Variants in ORC5 observed in about 807,000 individuals in gnomAD.
ORC5 encodes the protein origin recognition complex subunit 5.
In ORC5, 39 loss-of-function variants were observed where a neutral mutation model predicts 58.8. The observed-to-expected ratio is 0.66, with a 90% confidence interval of 0.51 to 0.87. The LOEUF (loss-of-function observed/expected upper bound fraction) is 0.87, where lower values mean the gene tolerates loss of function less well. Ranked by LOEUF, ORC5 falls within the 40% of genes least tolerant of loss-of-function variation. The pLI is 0.00. For missense variants in ORC5, 493 were observed against 506.3 expected, an observed-to-expected ratio of 0.97 and a Z score of 0.25; for synonymous variants, 218 against 177.6, an observed-to-expected ratio of 1.23 and a Z score of -1.81.
intron 12 of ORC5, among the ~76,000 whole-genome samples, chr7:104,141,703 T>TA (rs985425959): frequency 1.3e-5 from 2 of 152,110 alleles, no homozygotes; most frequent in African/African-American, 4.8e-5. Flanking sequence ...AAACGAAATT[T>TA]AAAAAAATCT....
chr7:104,177,599 C>A (rs1488272614), intron 8 of ORC5, among the ~76,000 whole-genome samples: 5 of 152,212 alleles, frequency 3.3e-5, no homozygotes, highest in African/African-American at 1.2e-4. Flanking sequence ...CTAGCATACA[C>A]GTGCAGAACG....
chr7:104,168,103 C>T (rs762788837), intron 9 of ORC5: 1 of 256,382 alleles, frequency 3.9e-6, no homozygotes, highest in Non-Finnish European at 6.4e-6. Context: ...AGTGCATATC[C>T]CAAACCGATT....
chr7:104,134,688 T>A (rs1798562567), intron 13 of ORC5, among the ~76,000 whole-genome samples: 1 of 152,018 alleles, frequency 6.6e-6, no homozygotes, highest in Non-Finnish European at 1.5e-5. Context: ...AATACATAGC[T>A]ACAACTAGAG....
At chr7:104,207,275 C>A (rs1004662386) in intron 1 of ORC5, among the ~76,000 whole-genome samples, 1 of 152,142 alleles carries the variant, frequency 6.6e-6, no homozygotes, top group African/African-American at 2.4e-5. Flanking sequence ...CCAGACAAGA[C>A]AAACTCCTCT....
intron 12 of ORC5, among the ~76,000 whole-genome samples, chr7:104,156,253 TA>T (rs1213770354): frequency 1.3e-5 from 2 of 150,872 alleles, no homozygotes; most frequent in African/African-American, 2.4e-5. Flanking sequence ...AATAATAATC[TA>T]AAAAAAAATT....
At chr7:104,156,519 ATAGAT>A (rs1396274169) in intron 12 of ORC5, among the ~76,000 whole-genome samples, 1 of 151,728 alleles carries the variant, frequency 6.6e-6, no homozygotes, top group East Asian at 1.9e-4. Context: ...TCATTATAGA[ATAGAT>A]TAGATTTGAA....
chr7:104,168,262 G>C, intron 9 of ORC5: 1 of 1,127,870 alleles, frequency 8.9e-7, no homozygotes, highest in East Asian at 3.1e-5. Context: ...TTAGAAAATA[G>C]AAAGCTGGTA....
At chr7:104,189,670 G>A (rs1451025446) in intron 5 of ORC5, among the ~76,000 whole-genome samples, 1 of 152,134 alleles carries the variant, frequency 6.6e-6, no homozygotes, top group Non-Finnish European at 1.5e-5. Flanking sequence ...TCCACATGCT[G>A]AGAGGGTAGC....
Position 104,208,000 on chromosome 7 carries a change from CG to C in ORC5, c.-97del, listed in dbSNP as rs1367748242. The C allele has an allele frequency of 5.0e-6, 6 of 1,190,718 alleles. No individual in the cohort carries two copies. The highest frequency in any genetic ancestry group is 7.4e-6 in the Non-Finnish European group (6 of 812,216). 73.8% of individuals were successfully genotyped at this position (1,190,718 alleles called of 1,614,324 possible). On this transcript the variant is annotated 5_prime_UTR_variant, in exon 1 of 14. Coordinates refer to ENST00000297431, the MANE Select transcript of ORC5 (RefSeq NM_002553.4). ...CGAGTCTGGCGGCCCACGCTCCCGC[CG>C]GAAACCGGACCCGCAGCGTCGTGGG... is the stretch of plus-strand genomic sequence containing the variant.
At chr7:104,145,867 G>A (rs1376078029) in intron 12 of ORC5, among the ~76,000 whole-genome samples, 1 of 152,130 alleles carries the variant, frequency 6.6e-6, no homozygotes, top group Non-Finnish European at 1.5e-5. Context: ...GGCTACCCAG[G>A]TAGGCTCATT....
At chr7:104,203,111 G>A (rs1260024158) in intron 2 of ORC5, among the ~76,000 whole-genome samples, 4 of 152,296 alleles carry the variant, frequency 2.6e-5, no homozygotes, top group African/African-American at 7.2e-5. Flanking sequence ...CAGGAAGAGC[G>A]AGTACAGGAA....
intron 8 of ORC5, among the ~76,000 whole-genome samples, chr7:104,173,705 G>C (rs1334425816): frequency 6.6e-6 from 1 of 152,124 alleles, no homozygotes; most frequent in East Asian, 1.9e-4. Context: ...GTAAGGACAA[G>C]TGTCCTTCTG....
chr7:104,183,292 AGAG>A (rs1799474196), intron 8 of ORC5, among the ~76,000 whole-genome samples: 1 of 152,164 alleles, frequency 6.6e-6, no homozygotes, highest in South Asian at 2.1e-4. Flanking sequence ...TGTGGCTAAA[AGAG>A]TTCTGACACT....
chr7:104,182,960 C>T (rs1369939610), intron 8 of ORC5, among the ~76,000 whole-genome samples: 1 of 152,142 alleles, frequency 6.6e-6, no homozygotes, highest in East Asian at 1.9e-4. Flanking sequence ...CATGTTGAAA[C>T]CCCGTCTCTA....
At chr7:104,171,786 T>C (rs1471273749) in intron 8 of ORC5, among the ~76,000 whole-genome samples, 1 of 151,940 alleles carries the variant, frequency 6.6e-6, no homozygotes, top group East Asian at 1.9e-4. Flanking sequence ...CCTAGGGAGG[T>C]TGAGGCTGCT....
intron 5 of ORC5, among the ~76,000 whole-genome samples, chr7:104,190,948 C>G (rs960329891): frequency 2.0e-5 from 3 of 151,510 alleles, no homozygotes; most frequent in Non-Finnish European, 4.4e-5. Context: ...TATATATGAA[C>G]TATCTGAAAA....
At chr7:104,157,321 C>T (rs566399501) in intron 12 of ORC5, among the ~76,000 whole-genome samples, 10 of 152,050 alleles carry the variant, frequency 6.6e-5, no homozygotes, top group African/African-American at 1.7e-4. Context: ...ACCTACTCCC[C>T]GACCCTTTGT....
At chr7:104,207,676 T>TG (rs1333379343) in intron 1 of ORC5, among the ~76,000 whole-genome samples, 157 bp downstream of exon 1, 1 of 152,184 alleles carries the variant, frequency 6.6e-6, no homozygotes, top group East Asian at 1.9e-4. Context: ...GAAGAGACTG[T>TG]GGGTGAAGCT....
intron 1 of ORC5, among the ~76,000 whole-genome samples, chr7:104,205,083 A>ATTTTTTTTT (rs1176360713): frequency 1.1e-5 from 1 of 91,102 alleles, no homozygotes. Context: ...TTTTAATAAT[A>ATTTTTTTTT]CTCTTTTTTT....
Sources: gnomAD v4.1 joint callset for allele counts (sites outside exome capture counted in the v4.1 genomes callset) on GRCh38, gnomAD v4.1.1 for gene constraint, MANE v1.5 for transcripts, NCBI Gene and HGNC (gene_info 2026-07-23, HGNC 2026-07-21) for gene names.